FAT3: variants seen among roughly 807,000 people sequenced by gnomAD.
The protein encoded by FAT3 is FAT atypical cadherin 3.
FAT3 carries 95 observed loss-of-function variants against 310.2 expected under a neutral mutation model. That is an observed-to-expected ratio of 0.31 (90% CI 0.26 to 0.36). The LOEUF (loss-of-function observed/expected upper bound fraction) is 0.36, where lower values mean the gene tolerates loss of function less well. FAT3 is among the 10% of genes least tolerant of loss of function. The pLI is 1.00. For missense variants in FAT3, 5,408 were observed against 5,715.6 expected, an observed-to-expected ratio of 0.95 and a Z score of 1.74; for synonymous variants, 2,314 against 2,192.9, an observed-to-expected ratio of 1.06 and a Z score of -1.54.
At chr11:92,423,878 A>G (rs557234612) in intron 2 of FAT3, among the ~76,000 whole-genome samples, 10 of 152,262 alleles carry the variant, frequency 6.6e-5, no homozygotes, top group South Asian at 2.1e-4. Context: ...TTGAAAAACA[A>G]TCTGCTTTAC....
intron 4 of FAT3, among the ~76,000 whole-genome samples, chr11:92,724,670 G>A (rs975113071): frequency 2.0e-5 from 3 of 152,178 alleles, no homozygotes; most frequent in African/African-American, 7.2e-5. Flanking sequence ...CACACTCACA[G>A]TATTCATGTG....
intron 2 of FAT3, among the ~76,000 whole-genome samples, chr11:92,491,840 A>G (rs549952929): frequency 6.6e-6 from 1 of 152,152 alleles, no homozygotes; most frequent in African/African-American, 2.4e-5. Context: ...TAGCCTGGCC[A>G]TGGCTCTTGA....
At chr11:92,380,072 C>CGT (rs34789717) in intron 2 of FAT3, among the ~76,000 whole-genome samples, 56,260 of 145,018 alleles carry the variant, frequency 0.39, 11,540 homozygotes, top group Non-Finnish European at 0.46. Context: ...CAAACTGATT[C>CGT]GTGTGTGTGT....
chr11:92,841,076 C>T (rs1948537157), intron 18 of FAT3, among the ~76,000 whole-genome samples: 1 of 152,166 alleles, frequency 6.6e-6, no homozygotes, highest in Non-Finnish European at 1.5e-5. Context: ...CACATTACCC[C>T]ACTTGGGACA....
At chr11:92,326,708 G>A (rs541312499) in intron 1 of FAT3, among the ~76,000 whole-genome samples, 7 of 152,298 alleles carry the variant, frequency 4.6e-5, no homozygotes, top group South Asian at 2.1e-4. Flanking sequence ...GGGACCAGGC[G>A]CAGCCCGCTA....
At chr11:92,461,622 C>T (rs559014504) in intron 2 of FAT3, among the ~76,000 whole-genome samples, 23 of 152,118 alleles carry the variant, frequency 1.5e-4, no homozygotes, top group African/African-American at 5.5e-4. Flanking sequence ...TCGGGAGAGA[C>T]CTCCAAGTAG....
intron 1 of FAT3, among the ~76,000 whole-genome samples, chr11:92,329,518 A>C (rs1300169914): frequency 2.6e-5 from 4 of 151,760 alleles, no homozygotes; most frequent in Non-Finnish European, 5.9e-5. Context: ...GAGCCAAATA[A>C]ACTTCTTTCC....
intron 3 of FAT3, among the ~76,000 whole-genome samples, chr11:92,630,244 C>G (rs909478846): frequency 6.6e-6 from 1 of 152,206 alleles, no homozygotes. Flanking sequence ...ACACTGTGCT[C>G]TCTTAATCAG....
At position 92,859,175 on chromosome 11, in the gene FAT3, T is replaced by G; in HGVS notation, c.11511T>G (p.Ser3837=). ...GKLGECSGHT[S]LSFAGNSYIK... ...TAACGGTCTTTTCAGGGCACACTTC[T>G]CTCAGCTTTGCTGGAAACAGTTACA... The change falls in exon 21 of 28, where the codon TCT becomes TCG. Residue 3837 remains serine, a synonymous_variant. Coordinates refer to ENST00000525166, the MANE Select transcript of FAT3 (RefSeq NM_001367949.2). 1 of 1,613,630 alleles carries G rather than the reference T, an allele frequency of 6.2e-7. No homozygotes were observed. Among genetic ancestry groups the G allele is most frequent in the South Asian group, 1.1e-5 (1 of 91,068 alleles).
intron 4 of FAT3, among the ~76,000 whole-genome samples, chr11:92,742,472 G>C (rs1419522300): frequency 6.6e-6 from 1 of 152,164 alleles, no homozygotes; most frequent in Non-Finnish European, 1.5e-5. Flanking sequence ...TTTACCTAGT[G>C]CTGTGGTTTG....
intron 3 of FAT3, among the ~76,000 whole-genome samples, chr11:92,534,776 G>A (rs896389479): frequency 2.0e-5 from 3 of 152,160 alleles, no homozygotes; most frequent in African/African-American, 7.2e-5. Context: ...TGAAGTACCT[G>A]TAACAAAAGG....
In FAT3 at chr11:92,835,097, G is replaced by A. The variant is rs779139057; in HGVS notation, c.10086+13G>A. 11 of 1,605,398 alleles carry A rather than the reference G, an allele frequency of 6.9e-6. No homozygotes were observed. In the East Asian group the frequency reaches 1.8e-4, roughly 26 times the overall value. ...CTCTGTCATTTTGGTAGGTACCTGG[G>A]GTTGGGGATGGTTCTAGATGTTTGG... On this transcript the variant is annotated intron_variant, in intron 15 of 27. Transcript: ENST00000525166.
chr11:92,632,461 G>A (rs889744131), intron 3 of FAT3, among the ~76,000 whole-genome samples: 3 of 152,212 alleles, frequency 2.0e-5, no homozygotes, highest in African/African-American at 7.2e-5. Flanking sequence ...GTGAGGGGAT[G>A]AGCAAGGCAA....
At chr11:92,322,657 G>A (rs1168294660) in intron 1 of FAT3, among the ~76,000 whole-genome samples, 2 of 152,182 alleles carry the variant, frequency 1.3e-5, no homozygotes, top group African/African-American at 4.8e-5. Flanking sequence ...TTTCAACAAA[G>A]TTCACAGCAT....
In FAT3 at chr11:92,805,149, G is replaced by A. The variant is rs2136198460; in HGVS notation, c.8897-4G>A. On this transcript the variant is annotated splice_polypyrimidine_tract_variant and splice_region_variant and intron_variant, in intron 10 of 27. Transcript: ENST00000525166. ...CAAAAGCTCTTTTGTTTTTTTAACT[G>A]CAGGAGGAAACCCTCGAGGAAGGTT... is the stretch of plus-strand genomic sequence containing the variant. The A allele has an allele frequency of 6.2e-7, 1 of 1,603,504 alleles. No homozygotes were observed. The highest frequency in any genetic ancestry group is 8.5e-7 in the Non-Finnish European group (1 of 1,174,132).
chr11:92,519,617 C>T (rs1183645949), intron 2 of FAT3, among the ~76,000 whole-genome samples: 3 of 152,038 alleles, frequency 2.0e-5, no homozygotes, highest in Non-Finnish European at 4.4e-5. Context: ...TAGCAAATCA[C>T]TTATCTGATA....
At chr11:92,813,845 G>A (rs1018320126) in intron 13 of FAT3, among the ~76,000 whole-genome samples, 6 of 152,172 alleles carry the variant, frequency 3.9e-5, no homozygotes, top group African/African-American at 1.2e-4. Context: ...TTTACCAGAA[G>A]TTGTAAATTA....
intron 1 of FAT3, among the ~76,000 whole-genome samples, chr11:92,249,262 T>C (rs1865045102): frequency 6.6e-6 from 1 of 152,060 alleles, no homozygotes; most frequent in Non-Finnish European, 1.5e-5. Flanking sequence ...GCAACGATGA[T>C]CAGAAGGAGA....
At chr11:92,885,982 C>T (rs1046384090) in intron 24 of FAT3, among the ~76,000 whole-genome samples, 2 of 152,154 alleles carry the variant, frequency 1.3e-5, no homozygotes, top group East Asian at 1.9e-4. Flanking sequence ...TTGGAAGAAA[C>T]GTGATTTCTG....
Sources: gnomAD v4.1 joint callset for allele counts (sites outside exome capture counted in the v4.1 genomes callset) on GRCh38, gnomAD v4.1.1 for gene constraint, MANE v1.5 for transcripts, NCBI Gene and HGNC (gene_info 2026-07-23, HGNC 2026-07-21) for gene names.